MCOLN2: variants seen among roughly 807,000 people sequenced by gnomAD.
MCOLN2 encodes mucolipin TRP cation channel 2, also known as mucolipin-2.
In MCOLN2, 57 loss-of-function variants were observed where a neutral mutation model predicts 67.5. The observed-to-expected ratio is 0.84, with a 90% CI of 0.68 to 1.05. The LOEUF is 1.05. Ranked by LOEUF, MCOLN2 falls within the 50% of genes least tolerant of loss-of-function variation. The pLI, the probability that MCOLN2 is intolerant of heterozygous loss-of-function variation, is 0.00. For missense variants in MCOLN2, 620 were observed against 678.8 expected (o/e 0.91, Z 0.96); for synonymous variants, 246 against 233.3 (o/e 1.05, Z -0.50).
chr1:84,985,848 G>A (rs1471343663), intron 1 of MCOLN2, among the ~76,000 whole-genome samples: 1 of 152,120 alleles, frequency 6.6e-6, no homozygotes. Flanking sequence ...AATCAATATT[G>A]TGAAAATGAC....
chr1:84,941,462 G>A lies in MCOLN2; in HGVS notation c.848-471C>T, dbSNP rs543291419. 1.4e-4 allele frequency among the ~76,000 whole-genome samples: 21 copies of A among 152,244 alleles called. 1 individual carries two copies. The South Asian group carries it at 4.0e-3, about 29-fold the overall frequency. On this transcript the variant is annotated intron_variant, in intron 7 of 13. Coordinates refer to ENST00000370608, the MANE Select transcript of MCOLN2 (RefSeq NM_153259.4). ...CAGTGAGCCGAGATCGTGCCACTGC[G>A]CTCCAGCCTGGGCAACAGAGCGAGA...
intron 11 of MCOLN2, among the ~76,000 whole-genome samples, chr1:84,935,574 A>G (rs1647379931): frequency 6.6e-6 from 1 of 152,238 alleles, no homozygotes; most frequent in Admixed American, 6.5e-5. Flanking sequence ...AATGTAAAAT[A>G]TTTCAATATT....
rs945663078 is a variant in MCOLN2, at chr1:84,952,323, T to C, written c.667A>G (p.Ile223Val). The change falls in exon 6 of 14, where the codon ATC (isoleucine) becomes GTC (valine). Residue 223 changes from isoleucine to valine, a missense_variant. Ile to Val is a conservative substitution (Grantham distance 29). Coordinates refer to ENST00000370608, the MANE Select transcript of MCOLN2 (RefSeq NM_153259.4). ...LEFYRLLQVE[I>V]SFHLKGIDLQ... is the part of the protein sequence containing the mutation. ...TCAATGCCTTTAAGATGAAAGGAGA[T>C]TTCAACCTGTAAGAGCCTGAATAAA... 2 of 1,612,968 alleles carry C rather than the reference T, an allele frequency of 1.2e-6. No individual in the cohort carries two copies. The highest frequency in any genetic ancestry group is 2.7e-5 in the African/African-American group (2 of 74,868).
rs189859632 is a variant in MCOLN2, at chr1:84,926,759, C to T, written c.1665-38G>A. On this transcript the variant is annotated intron_variant, in intron 13 of 13. Coordinates refer to ENST00000370608, the MANE Select transcript of MCOLN2 (RefSeq NM_153259.4). ...GGGAAAGAAGAAAAGAGGAAAGATA[C>T]AATACTTTAACATCTTTGAGGAGCA... 1,129 of 1,517,086 alleles carry T rather than the reference C, an allele frequency of 7.4e-4. 2 individuals carry two copies. Among genetic ancestry groups the T allele is most frequent in the Non-Finnish European group, 7.9e-4 (869 of 1,106,822 alleles). The allele number at this position is 1,517,086 out of a possible 1,614,324, so 94.0% of individuals were successfully genotyped here.
chr1:84,942,506 AC>A (rs1388453337), intron 7 of MCOLN2, among the ~76,000 whole-genome samples: 6 of 152,240 alleles, frequency 3.9e-5, no homozygotes, highest in African/African-American at 1.4e-4. Flanking sequence ...AAGTTCATAT[AC>A]AAAGAGCCCA....
chr1:84,987,493 TGTATAC>T (rs376558493), intron 1 of MCOLN2, among the ~76,000 whole-genome samples: 9 of 14,296 alleles, frequency 6.3e-4, no homozygotes, highest in Non-Finnish European at 1.7e-3. Context: ...TATATACATA[TGTATAC>T]ATAGATGTAT....
intron 2 of MCOLN2, among the ~76,000 whole-genome samples, chr1:84,965,275 G>A (rs1649320097): frequency 6.6e-6 from 1 of 152,146 alleles, no homozygotes; most frequent in Non-Finnish European, 1.5e-5. Flanking sequence ...GAACACAAAT[G>A]TGTGTCACTC....
At chr1:84,938,484 G>T (rs1188831036) in intron 9 of MCOLN2, among the ~76,000 whole-genome samples, 1 of 152,230 alleles carries the variant, frequency 6.6e-6, no homozygotes, top group African/African-American at 2.4e-5. Flanking sequence ...ACTCCAGCAT[G>T]ATTTCCTAAC....
intron 1 of MCOLN2, among the ~76,000 whole-genome samples, chr1:84,972,845 A>T (rs1649764129): frequency 2.0e-5 from 3 of 152,216 alleles, no homozygotes; most frequent in Admixed American, 2.0e-4. Flanking sequence ...GAACAGAAAA[A>T]GGCTCTTGAC....
At chr1:84,981,409 T>G (rs1049994019) in intron 1 of MCOLN2, among the ~76,000 whole-genome samples, 4 of 152,164 alleles carry the variant, frequency 2.6e-5, no homozygotes, top group Admixed American at 2.6e-4. Context: ...GCAATCTGTA[T>G]GTCCATCAGC....
chr1:84,939,307 G>A (rs1203688794), intron 9 of MCOLN2, among the ~76,000 whole-genome samples: 1 of 152,062 alleles, frequency 6.6e-6, no homozygotes, highest in African/African-American at 2.4e-5. Flanking sequence ...AGAAAAATGA[G>A]GCCCAAATAA....
intron 9 of MCOLN2, among the ~76,000 whole-genome samples, chr1:84,939,062 A>G (rs1233576225): frequency 6.6e-6 from 1 of 152,148 alleles, no homozygotes; most frequent in Non-Finnish European, 1.5e-5. Context: ...CCTCTGACCA[A>G]CAGCAGAGAA....
At chr1:84,952,383 T>C (rs373673062) in intron 5 of MCOLN2, 44 bp from the exon 6 acceptor site, 17 of 1,570,756 alleles carry the variant, frequency 1.1e-5, no homozygotes, top group Admixed American at 3.3e-5. Flanking sequence ...ATAATCTTAC[T>C]ATATACTATT....
chr1:84,937,621 C>T (rs369544003), intron 11 of MCOLN2, 134 bp downstream of exon 11: 4 of 1,448,374 alleles, frequency 2.8e-6, no homozygotes, highest in East Asian at 2.4e-5. Flanking sequence ...AAAAAGAAAA[C>T]TGATACAAAG....
At chr1:84,953,378 C>T (rs1007768451) in intron 4 of MCOLN2, among the ~76,000 whole-genome samples, 3 of 151,972 alleles carry the variant, frequency 2.0e-5, no homozygotes, top group South Asian at 2.1e-4. Flanking sequence ...GGTGAAACGC[C>T]GTCTCTACTA....
At chr1:84,968,451 G>A (rs1329698722) in intron 1 of MCOLN2, among the ~76,000 whole-genome samples, 2 of 152,094 alleles carry the variant, frequency 1.3e-5, no homozygotes, top group African/African-American at 4.8e-5. Flanking sequence ...TGACAAACAG[G>A]TAGTTAAATA....
At chr1:84,948,208 C>T (rs1418011080) in intron 6 of MCOLN2, among the ~76,000 whole-genome samples, 4 of 152,262 alleles carry the variant, frequency 2.6e-5, no homozygotes, top group Non-Finnish European at 2.9e-5. Context: ...CAGCCTGCTG[C>T]TTATCATGTA....
intron 7 of MCOLN2, among the ~76,000 whole-genome samples, chr1:84,944,505 C>T (rs1647980210): frequency 1.3e-5 from 2 of 151,882 alleles, no homozygotes; most frequent in Non-Finnish European, 2.9e-5. Context: ...GCACTCCAGC[C>T]TGGGAGACAG....
intron 1 of MCOLN2, among the ~76,000 whole-genome samples, chr1:84,980,212 G>A (rs886997966): frequency 2.9e-4 from 44 of 152,058 alleles, no homozygotes; most frequent in African/African-American, 1.0e-3. Flanking sequence ...TAAATTGGAA[G>A]AATCAATAGT....
Sources: gnomAD v4.1 joint callset for allele counts (sites outside exome capture counted in the v4.1 genomes callset) on GRCh38, gnomAD v4.1.1 for gene constraint, MANE v1.5 for transcripts, NCBI Gene and HGNC (gene_info 2026-07-23, HGNC 2026-07-21) for gene names.